Variants in CORO2A observed in about 807,000 individuals in gnomAD.
CORO2A encodes coronin 2A, also known as coronin-2A.
In CORO2A, 47 loss-of-function variants were observed where a neutral mutation model predicts 62.4. The ratio of observed to expected loss-of-function variants is 0.75; its 90% CI spans 0.60 to 0.96. CORO2A has a LOEUF of 0.96. Among genes scored for constraint, CORO2A ranks in the 40% least tolerant of loss-of-function variants. The pLI is 0.00. For missense variants in CORO2A, 610 were observed against 684.1 expected (o/e 0.89, Z 1.21); for synonymous variants, 273 against 268.9 (o/e 1.02, Z -0.15).
chr9:98,122,783 T>A lies in CORO2A; in HGVS notation c.*1991A>T, dbSNP rs1827260066. 6.6e-6 allele frequency: 1 copy of A among 152,152 alleles called. No homozygotes were observed. The highest frequency in any genetic ancestry group is 1.5e-5 in the Non-Finnish European group (1 of 68,068). The allele number at this position is 152,152 out of a possible 1,614,324, so 9.4% of individuals were successfully genotyped here. ...CTAGGGCTGAAATCTGCCCACATCATCCTGCAGGAGGCAGGCTGTGTACCT... is the reference window on the plus strand; with the variant it reads ...CTAGGGCTGAAATCTGCCCACATCAACCTGCAGGAGGCAGGCTGTGTACCT... On this transcript the variant is annotated 3_prime_UTR_variant, in exon 12 of 12. Coordinates refer to ENST00000375077, the MANE Select transcript of CORO2A (RefSeq NM_052820.4).
chr9:98,157,565 G>A lies in CORO2A; in HGVS notation c.96C>T (p.Thr32=), dbSNP rs1263169783. 1 of 1,614,208 alleles carries A rather than the reference G, an allele frequency of 6.2e-7. No homozygotes were observed. Residue 32 remains threonine (T), a synonymous_variant, in exon 2 of 12, where the codon ACC becomes ACT. Transcript: ENST00000375077. ...AGAAGTGGTTGTCGTGAACGCTGCG[G>A]GTGATAGGCACGGAGTCGTAGCAGT... ...KENCYDSVPI[T]RSVHDNHFCA... is the part of the protein sequence containing the mutation.
chr9:98,151,409 C>T (rs1827722463), intron 2 of CORO2A, among the ~76,000 whole-genome samples: 1 of 152,134 alleles, frequency 6.6e-6, no homozygotes, highest in African/African-American at 2.4e-5. Context: ...CTAAGCGTTG[C>T]TTGTTTATTC....
At chr9:98,171,508 G>T (rs2118910457) in intron 1 of CORO2A, among the ~76,000 whole-genome samples, 1 of 152,330 alleles carries the variant, frequency 6.6e-6, no homozygotes, top group East Asian at 1.9e-4. Flanking sequence ...AGAGGATGGG[G>T]GAGGCCCCCA....
intron 2 of CORO2A, among the ~76,000 whole-genome samples, chr9:98,153,163 G>A (rs1827750904): frequency 7.4e-6 from 1 of 135,724 alleles, no homozygotes; most frequent in South Asian, 2.4e-4. Flanking sequence ...GCAGTGGCAC[G>A]ATCTCAGCTC....
rs770513543 is a variant in CORO2A at position 98,128,130 on chromosome 9, C to T, written c.1171+40G>A. 1.9e-5 allele frequency: 29 copies of T among 1,535,250 alleles called. No homozygotes were observed. In the South Asian group the frequency reaches 3.0e-4, roughly 16 times the overall value. On this transcript the variant is annotated intron_variant, in intron 10 of 11. Transcript: ENST00000375077. ...TTGGGGCCACTGGGCACGCCATGTTCCTGTCACATTTGCCTGGGCCTCTTC... is the reference window on the plus strand; with the variant it reads ...TTGGGGCCACTGGGCACGCCATGTTTCTGTCACATTTGCCTGGGCCTCTTC...
At chr9:98,158,594 T>C (rs1827838256) in intron 1 of CORO2A, among the ~76,000 whole-genome samples, 1 of 152,136 alleles carries the variant, frequency 6.6e-6, no homozygotes, top group Non-Finnish European at 1.5e-5. Context: ...GTGAGGCTAC[T>C]AGGAGAGTCT....
At chr9:98,183,730 C>T (rs1027386848) in intron 1 of CORO2A, among the ~76,000 whole-genome samples, 6 of 152,154 alleles carry the variant, frequency 3.9e-5, no homozygotes, top group Admixed American at 3.3e-4. Context: ...GAGGCTGAGG[C>T]GGGCAGATTA....
At chr9:98,127,366 G>C (rs1003809804) in intron 10 of CORO2A, among the ~76,000 whole-genome samples, 2 of 152,222 alleles carry the variant, frequency 1.3e-5, no homozygotes, top group Non-Finnish European at 2.9e-5. Context: ...AAGGAAGTTT[G>C]TGGGGGTGGA....
intron 1 of CORO2A, among the ~76,000 whole-genome samples, chr9:98,173,278 CTT>C (rs906274323): frequency 1.3e-5 from 2 of 152,240 alleles, no homozygotes; most frequent in African/African-American, 4.8e-5. Context: ...AGGGGCCACT[CTT>C]TGAGAATCGC....
intron 1 of CORO2A, among the ~76,000 whole-genome samples, chr9:98,167,221 G>A (rs561937069): frequency 5.9e-5 from 9 of 152,216 alleles, no homozygotes; most frequent in African/African-American, 2.2e-4. Flanking sequence ...AAAAGACAGC[G>A]CATGATTCCA....
intron 2 of CORO2A, among the ~76,000 whole-genome samples, chr9:98,154,123 G>A (rs1827766999): frequency 6.6e-6 from 1 of 151,476 alleles, no homozygotes; most frequent in African/African-American, 2.4e-5. Context: ...GAGTGAGATT[G>A]ATCAATATTT....
chr9:98,134,881 G>A lies in CORO2A; in HGVS notation c.393C>T (p.His131=), dbSNP rs777743903. 2.4e-5 allele frequency: 39 copies of A among 1,614,026 alleles called. No homozygotes were observed. The highest frequency in any genetic ancestry group is 3.0e-5 in the Non-Finnish European group (35 of 1,180,018). ...LTAYRKELVG[H]ARRVGLVEWH... ...ACTCCACCAGGCCTACTCTGCGCGC[G>A]TGGCCCACGAGTTCCTTCCTGTAGG... The change falls in exon 4 of 12, where the codon CAC becomes CAT. Residue 131 remains histidine (H), a synonymous_variant. Coordinates refer to ENST00000375077, the MANE Select transcript of CORO2A (RefSeq NM_052820.4).
intron 2 of CORO2A, among the ~76,000 whole-genome samples, chr9:98,150,573 C>T (rs1339799404): frequency 6.6e-6 from 1 of 152,182 alleles, no homozygotes; most frequent in Admixed American, 6.5e-5. Flanking sequence ...ACCCACGTCA[C>T]ACTCTATCAC....
intron 4 of CORO2A, among the ~76,000 whole-genome samples, chr9:98,134,034 G>T (rs1268926356): frequency 6.6e-6 from 1 of 152,130 alleles, no homozygotes; most frequent in African/African-American, 2.4e-5. Context: ...TTACAGGTGT[G>T]AGCCACCATG....
chr9:98,155,359 T>C (rs1827788357), intron 2 of CORO2A, among the ~76,000 whole-genome samples: 1 of 147,666 alleles, frequency 6.8e-6, no homozygotes, highest in Non-Finnish European at 1.5e-5. Flanking sequence ...TTTTTTTTTT[T>C]TTTTTGAGAT....
intron 2 of CORO2A, among the ~76,000 whole-genome samples, chr9:98,151,250 A>G (rs778702851): frequency 6.6e-6 from 1 of 152,238 alleles, no homozygotes; most frequent in Non-Finnish European, 1.5e-5. Flanking sequence ...TTCTAAGGAA[A>G]AAATAGGCTT....
intron 1 of CORO2A, among the ~76,000 whole-genome samples, chr9:98,178,235 C>T (rs970308489): frequency 6.6e-6 from 1 of 151,976 alleles, no homozygotes; most frequent in Admixed American, 6.6e-5. Flanking sequence ...TTCCTTGAGG[C>T]GGGGATTTGC....
At chr9:98,187,476 A>G (rs1828254478) in intron 1 of CORO2A, among the ~76,000 whole-genome samples, 1 of 132,284 alleles carries the variant, frequency 7.6e-6, no homozygotes, top group African/African-American at 2.8e-5. Flanking sequence ...AAAAAAAAAA[A>G]TGTAGGTGCT....
intron 2 of CORO2A, among the ~76,000 whole-genome samples, chr9:98,148,096 AG>A (rs1190329906): frequency 4.5e-4 from 8 of 17,860 alleles, no homozygotes; most frequent in African/African-American, 1.3e-3. Context: ...AAAAAAAAAA[AG>A]AAAAAAAAAA....
Sources: allele counts gnomAD v4.1 joint callset (sites outside exome capture counted in the v4.1 genomes callset), GRCh38; gene constraint gnomAD v4.1.1; transcripts MANE v1.5; gene names NCBI Gene and HGNC (gene_info 2026-07-23, HGNC 2026-07-21).